LMO7: variants seen among roughly 807,000 people sequenced by gnomAD.
LMO7 encodes the protein LIM domain only protein 7.
LMO7 carries 120 observed loss-of-function variants against 206.5 expected under a neutral mutation model. The observed-to-expected ratio is 0.58, with a 90% confidence interval of 0.50 to 0.68. The LOEUF (loss-of-function observed/expected upper bound fraction) is 0.68, where lower values mean the gene tolerates loss of function less well. Among genes scored for constraint, LMO7 ranks in the 30% least tolerant of loss-of-function variants. The pLI, the probability that LMO7 is intolerant of heterozygous loss-of-function variation, is 0.00. For synonymous variants in LMO7, 706 were observed against 681.5 expected, an observed-to-expected ratio of 1.04 and a Z score of -0.56; for missense variants, 1,959 against 1,957.9, an observed-to-expected ratio of 1.00 and a Z score of -0.01.
chr13:75,799,871 A>G (rs2054513002), intron 6 of LMO7, among the ~76,000 whole-genome samples: 1 of 152,244 alleles, frequency 6.6e-6, no homozygotes, highest in Non-Finnish European at 1.5e-5. Context: ...TGTCACTAAC[A>G]TTCACAGAAG....
At chr13:75,642,169 CA>C in intron 1 of LMO7, among the ~76,000 whole-genome samples, 2 of 152,294 alleles carry the variant, frequency 1.3e-5, no homozygotes, top group South Asian at 4.1e-4. Context: ...ACAGATATGT[CA>C]AAGTATTTCC....
At chr13:75,754,575 G>A (rs185125469) in intron 3 of LMO7, among the ~76,000 whole-genome samples, 482 of 152,252 alleles carry the variant, frequency 3.2e-3, no homozygotes, top group Non-Finnish European at 5.2e-3. Flanking sequence ...GGGAATGTGG[G>A]ATGAGGAGGA....
chr13:75,801,621 G>A (rs148359592), intron 7 of LMO7, among the ~76,000 whole-genome samples: 4 of 152,248 alleles, frequency 2.6e-5, no homozygotes, highest in African/African-American at 7.2e-5. Context: ...TATAGCGTCA[G>A]CAATTTCTGA....
At chr13:75,770,092 T>C (rs920617639) in intron 4 of LMO7, among the ~76,000 whole-genome samples, 4 of 151,976 alleles carry the variant, frequency 2.6e-5, no homozygotes, top group African/African-American at 9.7e-5. Flanking sequence ...CACACATTAT[T>C]AAATAAGAAC....
At chr13:75,785,275 A>G (rs946103153) in intron 4 of LMO7, among the ~76,000 whole-genome samples, 6 of 152,174 alleles carry the variant, frequency 3.9e-5, no homozygotes, top group Non-Finnish European at 7.4e-5. Flanking sequence ...CCCTCATACT[A>G]TTAATAAAAC....
At chr13:75,711,987 C>T (rs930304307) in intron 1 of LMO7, among the ~76,000 whole-genome samples, 2 of 152,232 alleles carry the variant, frequency 1.3e-5, no homozygotes, top group Non-Finnish European at 2.9e-5. Flanking sequence ...GCCCAGGCTC[C>T]TGTCCAAATG....
At chr13:75,626,576 A>ATATTTT (rs1566249065) in intron 2 of LMO7, among the ~76,000 whole-genome samples, 4 of 64,396 alleles carry the variant, frequency 6.2e-5, no homozygotes, top group Non-Finnish European at 1.4e-4. Flanking sequence ...TAACATATAT[A>ATATTTT]TTATATATAT....
upstream of LMO7, chr13:75,635,979 C>G (rs1168529068): frequency 6.6e-6 from 1 of 151,966 alleles, no homozygotes; most frequent in South Asian, 2.1e-4. Flanking sequence ...GTATGTCAAG[C>G]GGGCCGGGCG....
At chr13:75,847,235 A>C (rs181844385) in intron 26 of LMO7, among the ~76,000 whole-genome samples, 2 of 152,292 alleles carry the variant, frequency 1.3e-5, no homozygotes, top group East Asian at 3.9e-4. Flanking sequence ...AAATCCTTAG[A>C]TGCAATTTCC....
intron 1 of LMO7, chr13:75,688,407 A>C (rs1216730277): frequency 6.6e-6 from 1 of 152,224 alleles, no homozygotes; most frequent in Non-Finnish European, 1.5e-5. Context: ...CCTTAGAAAA[A>C]GGTTGAAAAG....
At chr13:75,727,896 A>G (rs796911038) in intron 3 of LMO7, among the ~76,000 whole-genome samples, 2 of 151,400 alleles carry the variant, frequency 1.3e-5, no homozygotes, top group South Asian at 2.1e-4. Flanking sequence ...TGTCCTTGCG[A>G]TAGTTTACTG....
intron 4 of LMO7, among the ~76,000 whole-genome samples, chr13:75,770,383 A>G (rs1594844435): frequency 6.6e-6 from 1 of 151,974 alleles, no homozygotes; most frequent in Non-Finnish European, 1.5e-5. Context: ...TAGCCTTGCT[A>G]TTGAGTCCTC....
intron 6 of LMO7, 68 bp downstream of exon 6, chr13:75,796,817 CTT>C: frequency 1.1e-6 from 1 of 935,086 alleles, no homozygotes; most frequent in Middle Eastern, 2.1e-4. Context: ...TTCCTCCTCT[CTT>C]CTTTTTCTTC....
intron 25 of LMO7, among the ~76,000 whole-genome samples, chr13:75,843,578 T>C (rs2059723282): frequency 6.6e-6 from 1 of 152,220 alleles, no homozygotes; most frequent in South Asian, 2.1e-4. Flanking sequence ...GAAATGGGAA[T>C]GGTGACATTT....
intron 1 of LMO7, among the ~76,000 whole-genome samples, chr13:75,658,644 C>T (rs1024958176): frequency 3.3e-5 from 5 of 152,052 alleles, no homozygotes; most frequent in Admixed American, 6.6e-5. Flanking sequence ...AGTGCAGTGG[C>T]GCGATCTCGG....
chr13:75,636,800 C>A, intron 1 of LMO7, 74 bp downstream of exon 1: 1 of 1,399,764 alleles, frequency 7.1e-7, no homozygotes, highest in Non-Finnish European at 9.9e-7. Flanking sequence ...GTGACTGCAG[C>A]CCCAGTCACT....
intron 1 of LMO7, among the ~76,000 whole-genome samples, chr13:75,707,081 A>T (rs769707896): frequency 6.6e-6 from 1 of 151,802 alleles, no homozygotes; most frequent in African/African-American, 2.4e-5. Flanking sequence ...TGGGAGATTT[A>T]GTAAATTGAC....
In LMO7 at chr13:75,683,713, C is replaced by T. The variant is rs544424500; in HGVS notation, c.70-29469C>T. Among the ~76,000 whole-genome samples the T allele has an allele frequency of 2.0e-5, 3 of 152,260 alleles. No individual in the cohort carries two copies. The South Asian group carries it at 6.2e-4, about 32-fold the overall frequency. ...ACATGTGCCCAAGGTGGTCAGGGTACAGCTTGCTTTTATATGTTTTAGGGA... is the reference window on the plus strand; with the variant it reads ...ACATGTGCCCAAGGTGGTCAGGGTATAGCTTGCTTTTATATGTTTTAGGGA... On this transcript the variant is annotated intron_variant, in intron 1 of 30. Transcript: ENST00000377534.
chr13:75,686,010 G>A (rs1157121783), intron 1 of LMO7, among the ~76,000 whole-genome samples: 1 of 150,712 alleles, frequency 6.6e-6, no homozygotes, highest in African/African-American at 2.4e-5. Flanking sequence ...GCATAGCTGG[G>A]ACTACAGGTG....
Sources: gnomAD v4.1 joint callset for allele counts (sites outside exome capture counted in the v4.1 genomes callset) on GRCh38, gnomAD v4.1.1 for gene constraint, MANE v1.5 for transcripts, NCBI Gene and HGNC (gene_info 2026-07-23, HGNC 2026-07-21) for gene names.